The following SLC2A13 variants were observed in gnomAD, a reference collection of about 807,000 sequenced individuals.
SLC2A13 encodes the protein proton myo-inositol cotransporter.
SLC2A13 carries 32 observed loss-of-function variants against 64.4 expected under a neutral mutation model. The observed-to-expected ratio is 0.50, with a 90% CI of 0.37 to 0.67. The LOEUF (loss-of-function observed/expected upper bound fraction) is 0.67, where lower values mean the gene tolerates loss of function less well. Among genes scored for constraint, SLC2A13 ranks in the 30% least tolerant of loss-of-function variants. SLC2A13 has a pLI of 0.00. For missense variants in SLC2A13, 743 were observed against 829.2 expected (o/e 0.90, Z 1.28); for synonymous variants, 338 against 327.1 (o/e 1.03, Z -0.36).
At chr12:39,848,677 A>T (rs765897682) in intron 6 of SLC2A13, among the ~76,000 whole-genome samples, 1 of 152,176 alleles carries the variant, frequency 6.6e-6, no homozygotes, top group African/African-American at 2.4e-5. Flanking sequence ...CTAGGTATAT[A>T]TGCAGAGGAA....
chr12:39,986,325 G>A (rs1297369157), intron 3 of SLC2A13, among the ~76,000 whole-genome samples: 1 of 152,018 alleles, frequency 6.6e-6, no homozygotes, highest in East Asian at 1.9e-4. Flanking sequence ...CACATATTCT[G>A]GAGATACTGA....
intron 6 of SLC2A13, among the ~76,000 whole-genome samples, chr12:39,838,910 T>C (rs1943102562): frequency 6.6e-6 from 1 of 152,056 alleles, no homozygotes; most frequent in Non-Finnish European, 1.5e-5. Context: ...TGTTTGATCT[T>C]AAAATGCCTG....
intron 7 of SLC2A13, among the ~76,000 whole-genome samples, chr12:39,811,662 G>T (rs539495169): frequency 1.3e-5 from 2 of 151,972 alleles, no homozygotes; most frequent in Non-Finnish European, 2.9e-5. Flanking sequence ...ATTATTAGAG[G>T]AATATACATT....
At chr12:40,087,382 A>T (rs897514562) in intron 1 of SLC2A13, among the ~76,000 whole-genome samples, 6 of 152,080 alleles carry the variant, frequency 3.9e-5, no homozygotes, top group Non-Finnish European at 8.8e-5. Flanking sequence ...TCCATTCATC[A>T]GTCATGGTCA....
intron 1 of SLC2A13, 125 bp from the exon 2 acceptor site, chr12:40,048,335 T>G (rs1948201391): frequency 1.2e-6 from 1 of 854,366 alleles, no homozygotes; most frequent in African/African-American, 1.7e-5. Flanking sequence ...AAGCAAAGGT[T>G]TACCACATAT....
intron 3 of SLC2A13, among the ~76,000 whole-genome samples, chr12:39,997,843 T>C (rs916563328): frequency 1.3e-5 from 2 of 151,870 alleles, no homozygotes; most frequent in African/African-American, 4.8e-5. Context: ...AAAAAAAGAA[T>C]TGCCATAATC....
In SLC2A13 at chr12:39,978,693, T is replaced by C. The variant is rs941897701; in HGVS notation, c.926-27328A>G. Reference sequence around the variant, plus strand: ...TCCTACGCCCACGGAATCTCGCGGATTGCTAGCACAGCAGTCTGAGATCAA... The same window carrying C: ...TCCTACGCCCACGGAATCTCGCGGACTGCTAGCACAGCAGTCTGAGATCAA... On this transcript the variant is annotated intron_variant, in intron 3 of 9. Coordinates refer to ENST00000280871, the MANE Select transcript of SLC2A13 (RefSeq NM_052885.4). 9.7e-4 allele frequency among the ~76,000 whole-genome samples: 147 copies of C among 151,962 alleles called. 1 individual carries two copies. Among genetic ancestry groups the C allele is most frequent in the African/African-American group, 3.2e-3 (134 of 41,440 alleles).
chr12:40,086,942 G>A (rs1938605993), intron 1 of SLC2A13, among the ~76,000 whole-genome samples: 1 of 152,166 alleles, frequency 6.6e-6, no homozygotes, highest in South Asian at 2.1e-4. Flanking sequence ...GGCATAATTA[G>A]GTCTTGAGAC....
At chr12:39,775,462 A>G (rs1183417716) in intron 7 of SLC2A13, among the ~76,000 whole-genome samples, 1 of 152,260 alleles carries the variant, frequency 6.6e-6, no homozygotes, top group Non-Finnish European at 1.5e-5. Flanking sequence ...TTAACAGGCT[A>G]CGGGCTCAGA....
At chr12:39,953,906 A>G (rs1946274589) in intron 3 of SLC2A13, among the ~76,000 whole-genome samples, 1 of 152,174 alleles carries the variant, frequency 6.6e-6, no homozygotes. Flanking sequence ...CCACAAGGGC[A>G]GCCACTTTTG....
In SLC2A13 at chr12:39,864,724, G is replaced by C. The variant is rs779150350; in HGVS notation, c.1319+38C>G. 3.7e-6 allele frequency: 6 copies of C among 1,601,122 alleles called. No individual in the cohort carries two copies. The African/African-American group carries it at 5.4e-5, about 14-fold the overall frequency. ...TTAAAAGCAAGCAAAAAAGTTACCA[G>C]AGTCATGTAAAGGAAGAAGAACATA... On this transcript the variant is annotated intron_variant, in intron 6 of 9. Transcript: ENST00000280871.
intron 1 of SLC2A13, among the ~76,000 whole-genome samples, chr12:40,084,267 C>A (rs992570945): frequency 6.6e-6 from 1 of 152,204 alleles, no homozygotes; most frequent in African/African-American, 2.4e-5. Flanking sequence ...CCACCAGGCT[C>A]TCAAGTACTT....
intron 6 of SLC2A13, among the ~76,000 whole-genome samples, chr12:39,832,069 C>T (rs754852292): frequency 6.6e-6 from 1 of 152,110 alleles, no homozygotes; most frequent in Non-Finnish European, 1.5e-5. Context: ...AATGACACTT[C>T]AGCCCTAGAC....
At chr12:39,936,054 G>A (rs778909892) in intron 4 of SLC2A13, among the ~76,000 whole-genome samples, 3 of 152,202 alleles carry the variant, frequency 2.0e-5, no homozygotes, top group Non-Finnish European at 4.4e-5. Context: ...TTTGAACTTC[G>A]CTGAAAGCTG....
chr12:39,839,376 T>A (rs1195618388), intron 6 of SLC2A13, among the ~76,000 whole-genome samples: 1 of 152,008 alleles, frequency 6.6e-6, no homozygotes, highest in East Asian at 1.9e-4. Flanking sequence ...AAAAAAAATC[T>A]TAGACACGTG....
At chr12:39,912,045 G>A (rs567487896) in intron 4 of SLC2A13, among the ~76,000 whole-genome samples, 5 of 152,042 alleles carry the variant, frequency 3.3e-5, no homozygotes, top group African/African-American at 1.2e-4. Flanking sequence ...ACCAGATTTG[G>A]AACCAGGTAG....
chr12:39,897,725 C>T (rs985529604), intron 4 of SLC2A13, among the ~76,000 whole-genome samples: 3 of 152,112 alleles, frequency 2.0e-5, no homozygotes, highest in Non-Finnish European at 4.4e-5. Context: ...GTAATATCTT[C>T]ACTGTAGAGA....
intron 7 of SLC2A13, among the ~76,000 whole-genome samples, chr12:39,778,947 G>A (rs1310858340): frequency 3.3e-5 from 5 of 152,196 alleles, no homozygotes; most frequent in Non-Finnish European, 7.3e-5. Context: ...ATGAGGAAGG[G>A]AAATATCTGA....
chr12:39,842,673 G>C (rs114753935), intron 6 of SLC2A13, among the ~76,000 whole-genome samples: 2,145 of 152,104 alleles, frequency 0.014, 39 homozygotes, highest in African/African-American at 0.047. Context: ...GTTAAAGCTT[G>C]CAGTTTAGTA....
Sources: allele counts gnomAD v4.1 joint callset (sites outside exome capture counted in the v4.1 genomes callset), GRCh38; gene constraint gnomAD v4.1.1; transcripts MANE v1.5; gene names NCBI Gene and HGNC (gene_info 2026-07-23, HGNC 2026-07-21).